Variants in KLF12 observed in about 807,000 individuals in gnomAD.
KLF12 encodes the protein KLF transcription factor 12.
Under a neutral mutation model 37.8 loss-of-function variants are expected in KLF12, and 9 were observed. That is an observed-to-expected ratio of 0.24 (90% CI 0.14 to 0.42). The LOEUF is 0.42. Among genes scored for constraint, KLF12 ranks in the 10% least tolerant of loss-of-function variants. The pLI is 1.00. For missense variants in KLF12, 411 were observed against 516.0 expected (o/e 0.80, Z 1.97); for synonymous variants, 208 against 202.1 (o/e 1.03, Z -0.25).
chr13:74,223,647 G>A, the KLF12 span, among the ~76,000 whole-genome samples: 1 of 152,182 alleles, frequency 6.6e-6, no homozygotes, highest in Non-Finnish European at 1.5e-5. Context: ...GCTCAGGGCA[G>A]TCAGTTCCCA....
chr13:74,199,809 T>C, the KLF12 span, among the ~76,000 whole-genome samples: 1 of 152,120 alleles, frequency 6.6e-6, no homozygotes, highest in African/African-American at 2.4e-5. Context: ...TTGCTGGGCT[T>C]CCCAAAAAAA....
At chr13:74,149,326 A>G in the KLF12 span, among the ~76,000 whole-genome samples, 3 of 152,212 alleles carry the variant, frequency 2.0e-5, no homozygotes, top group African/African-American at 4.8e-5. Flanking sequence ...ACTGAACTCC[A>G]GATTTTACCT....
chr13:74,089,714 T>G (rs951639136), intron 1 of KLF12, among the ~76,000 whole-genome samples: 1 of 144,834 alleles, frequency 6.9e-6, no homozygotes, highest in East Asian at 2.0e-4. Context: ...ATAAAAGCAA[T>G]TGACAAAACA....
intron 1 of KLF12, among the ~76,000 whole-genome samples, chr13:74,024,314 C>T (rs974594294): frequency 6.6e-5 from 10 of 152,164 alleles, no homozygotes; most frequent in African/African-American, 2.4e-4. Context: ...AAATATCCAA[C>T]AAAATAGTAA....
chr13:73,869,157 CTTAATTTAGACCTTTCTGCAGGTAAACT>C (rs1886342229), intron 3 of KLF12, among the ~76,000 whole-genome samples: 1 of 152,000 alleles, frequency 6.6e-6, no homozygotes, highest in Non-Finnish European at 1.5e-5. Flanking sequence ...CAAAAAAGTC[CTTAATTTAGACCTTTCTGCAGGTAAACT>C]TTAATTCATT....
intron 4 of KLF12, among the ~76,000 whole-genome samples, chr13:73,822,280 T>C (rs2138511172): frequency 6.6e-6 from 1 of 152,372 alleles, no homozygotes. Context: ...TGGGATGACA[T>C]GGGAATGAAA....
At chr13:74,174,789 T>C in the KLF12 span, among the ~76,000 whole-genome samples, 35,785 of 152,176 alleles carry the variant, frequency 0.24, 7,177 homozygotes, top group African/African-American at 0.55. Context: ...TTTCAGCATC[T>C]CACTTCTGGT....
rs71919762 is a variant in KLF12 at position 73,725,833 on chromosome 13, GTATTTATTTATT to G, written c.870-10320_870-10309del. On this transcript the variant is annotated intron_variant, in intron 6 of 7. Transcript: ENST00000377669. ...GTTTTAGATTCCCATATTTCAAAAT[GTATTTATTTATT>G]TATTTATTTATTTATTTATTTATTT... 6.2e-3 allele frequency among the ~76,000 whole-genome samples: 876 copies of G among 142,220 alleles called. 12 individuals carry two copies. The highest frequency in any genetic ancestry group is 0.012 in the Admixed American group (166 of 14,250). 93.3% of individuals were successfully genotyped at this position (142,220 alleles called of 152,430 possible). A position where few individuals can be genotyped will look rare whatever the true frequency, so the allele number is the denominator to read the frequency against.
intron 1 of KLF12, among the ~76,000 whole-genome samples, chr13:74,070,832 T>C (rs963680538): frequency 2.6e-5 from 4 of 151,918 alleles, no homozygotes; most frequent in Non-Finnish European, 5.9e-5. Flanking sequence ...CCCTTATAGA[T>C]AAGTAAAAGA....
At chr13:73,811,057 C>T (rs1882915886) in intron 5 of KLF12, among the ~76,000 whole-genome samples, 1 of 127,102 alleles carries the variant, frequency 7.9e-6, no homozygotes, top group Non-Finnish European at 1.6e-5. Context: ...GTGATCTCAG[C>T]TCACTGCAAC....
chr13:74,153,173 G>T, the KLF12 span, among the ~76,000 whole-genome samples: 1,120 of 152,026 alleles, frequency 7.4e-3, 16 homozygotes, highest in African/African-American at 0.025. Context: ...AAATGTAAGA[G>T]CTCCCAGTCT....
At chr13:73,812,654 G>C (rs181119985) in intron 5 of KLF12, among the ~76,000 whole-genome samples, 1 of 151,774 alleles carries the variant, frequency 6.6e-6, no homozygotes, top group Admixed American at 6.6e-5. Flanking sequence ...ATCTAACCCT[G>C]CGGTCCAGGT....
chr13:73,689,813 C>G lies in KLF12; in HGVS notation c.*5677G>C, dbSNP rs1354271932. 1 of 152,126 alleles carries G rather than the reference C, an allele frequency of 6.6e-6. No homozygotes were observed. Among genetic ancestry groups the G allele is most frequent in the Non-Finnish European group, 1.5e-5 (1 of 68,012 alleles). 9.4% of individuals were successfully genotyped at this position (152,126 alleles called of 1,614,324 possible). On this transcript the variant is annotated 3_prime_UTR_variant, in exon 8 of 8. Coordinates refer to ENST00000377669, the MANE Select transcript of KLF12 (RefSeq NM_007249.5). ...TAAAATGAACAAGCAAACAAATATCCTTCAGTCTTTTGCGCCAAATAAATT... is the reference window on the plus strand; with the variant it reads ...TAAAATGAACAAGCAAACAAATATCGTTCAGTCTTTTGCGCCAAATAAATT...
At chr13:74,225,772 G>A in the KLF12 span, among the ~76,000 whole-genome samples, 1 of 152,116 alleles carries the variant, frequency 6.6e-6, no homozygotes, top group African/African-American at 2.4e-5. Context: ...AAGTAATTTT[G>A]TCAGGTCCAG....
intron 4 of KLF12, among the ~76,000 whole-genome samples, chr13:73,827,236 A>G (rs1883898946): frequency 6.6e-6 from 1 of 152,244 alleles, no homozygotes; most frequent in Non-Finnish European, 1.5e-5. Flanking sequence ...TGTTAAAAAT[A>G]TTCACTATTA....
chr13:74,154,064 A>G, the KLF12 span, among the ~76,000 whole-genome samples: 3 of 70,672 alleles, frequency 4.2e-5, no homozygotes, highest in Non-Finnish European at 1.2e-4. Context: ...CGTCTCTAGT[A>G]AAATACCAAA....
At chr13:74,216,572 CA>C in the KLF12 span, among the ~76,000 whole-genome samples, 3 of 152,146 alleles carry the variant, frequency 2.0e-5, no homozygotes, top group Non-Finnish European at 2.9e-5. Context: ...TTCAATTCTT[CA>C]TTTATTCTCG....
At chr13:73,853,241 A>G (rs1263773996) in intron 3 of KLF12, among the ~76,000 whole-genome samples, 3 of 152,182 alleles carry the variant, frequency 2.0e-5, no homozygotes, top group Admixed American at 1.3e-4. Context: ...AATTTATCCT[A>G]AAGTTCTCTT....
In KLF12 at chr13:74,109,284, A is replaced by C. The variant is rs1019332408; in HGVS notation, c.-32+24455T>G. On this transcript the variant is annotated intron_variant, in intron 1 of 7. Coordinates refer to ENST00000377669, the MANE Select transcript of KLF12 (RefSeq NM_007249.5). ...TAAATTTAAAAGTAGCTAGAAAATT[A>C]TTGAAGGTAAGTGTTAATGTCAATT... Among the ~76,000 whole-genome samples the C allele has an allele frequency of 9.2e-5, 14 of 152,072 alleles. 1 individual carries two copies. The East Asian group carries it at 1.7e-3, about 19-fold the overall frequency.
Sources: gnomAD v4.1 joint callset for allele counts (sites outside exome capture counted in the v4.1 genomes callset) on GRCh38, gnomAD v4.1.1 for gene constraint, MANE v1.5 for transcripts, NCBI Gene and HGNC (gene_info 2026-07-23, HGNC 2026-07-21) for gene names.